The following RAI1 variants were observed in gnomAD, a reference collection of about 807,000 sequenced individuals.
The protein encoded by RAI1 is retinoic acid-induced protein 1.
RAI1 carries 9 observed loss-of-function variants against 123.8 expected under a neutral mutation model. The observed-to-expected ratio is 0.07, with a 90% CI of 0.04 to 0.13. The LOEUF is 0.13. Ranked by LOEUF, RAI1 falls within the 10% of genes least tolerant of loss-of-function variation. The pLI, the probability that RAI1 is intolerant of heterozygous loss-of-function variation, is 1.00. For synonymous variants in RAI1, 1,231 were observed against 1,127.3 expected, an observed-to-expected ratio of 1.09 and a Z score of -1.84; for missense variants, 2,256 against 2,545.8, an observed-to-expected ratio of 0.89 and a Z score of 2.45.
rs149129492 is a variant in RAI1, at chr17:17,706,449, C to T, written c.-148-17579C>T. Among the ~76,000 whole-genome samples, 738 of 152,332 alleles carry T rather than the reference C, an allele frequency of 4.8e-3. 8 individuals carry two copies. The highest frequency in any genetic ancestry group is 0.017 in the African/African-American group (686 of 41,570). On this transcript the variant is annotated intron_variant, in intron 1 of 5. Transcript: ENST00000353383. ...GAAGGGAGGAAGACCAGGTAGGCAG[C>T]TGGGCCAAGGATCCAGGTGGACAAG...
At chr17:17,698,967 C>T (rs900109006) in intron 1 of RAI1, among the ~76,000 whole-genome samples, 13 of 152,224 alleles carry the variant, frequency 8.5e-5, no homozygotes, top group African/African-American at 3.1e-4. Context: ...GGAATGCCGG[C>T]TGATCACAAG....
In RAI1 at chr17:17,793,397, C is replaced by G. The variant is rs2032096918; in HGVS notation, c.449C>G (p.Ala150Gly). The G allele has an allele frequency of 6.8e-6, 11 of 1,613,676 alleles. No individual in the cohort carries two copies. Among genetic ancestry groups the G allele is most frequent in the Non-Finnish European group, 9.3e-6 (11 of 1,179,984 alleles). Residue 150 changes from alanine (A) to glycine (G), a missense_variant, in exon 3 of 6, where the codon GCA becomes GGA. Physicochemically the swap from Ala to Gly is moderately conservative, Grantham distance 60. Coordinates refer to ENST00000353383, the MANE Select transcript of RAI1 (RefSeq NM_030665.4). Reference protein sequence around the residue: ...KYDENLMKKTAVPPSRQYAEQ... With the variant: ...KYDENLMKKTGVPPSRQYAEQ... ...GATGAGAACTTGATGAAAAAGACAG[C>G]AGTGCCCCCCAGCAGGCAGTATGCA... is the stretch of plus-strand genomic sequence containing the variant.
intron 1 of RAI1, among the ~76,000 whole-genome samples, chr17:17,694,895 T>C (rs1914967942): frequency 1.3e-5 from 2 of 151,968 alleles, no homozygotes; most frequent in South Asian, 4.1e-4. Context: ...ACGCGGGGGC[T>C]TCCAGTCCCA....
intron 1 of RAI1, among the ~76,000 whole-genome samples, chr17:17,696,853 C>G (rs561979821): frequency 6.6e-6 from 1 of 152,246 alleles, no homozygotes; most frequent in East Asian, 1.9e-4. Context: ...CATCCTCATT[C>G]GGGGCCTCCT....
chr17:17,757,749 A>G (rs572956341), intron 2 of RAI1, among the ~76,000 whole-genome samples: 47 of 152,316 alleles, frequency 3.1e-4, no homozygotes, highest in South Asian at 6.2e-4. Flanking sequence ...CCACTTCCGG[A>G]GACTACTTGA....
chr17:17,729,519 G>A (rs954413937), intron 2 of RAI1, among the ~76,000 whole-genome samples: 1 of 152,220 alleles, frequency 6.6e-6, no homozygotes, highest in African/African-American at 2.4e-5. Context: ...CCAGAAGCAA[G>A]TGAGATCGCT....
intron 1 of RAI1, among the ~76,000 whole-genome samples, chr17:17,688,025 CAAAA>C (rs61049701): frequency 6.7e-5 from 6 of 90,064 alleles, no homozygotes; most frequent in Non-Finnish European, 6.3e-5. Flanking sequence ...GACTCTGTCT[CAAAA>C]AAAAAAAAAA....
At chr17:17,704,661 G>A (rs1373089670) in intron 1 of RAI1, among the ~76,000 whole-genome samples, 2 of 152,128 alleles carry the variant, frequency 1.3e-5, no homozygotes, top group Non-Finnish European at 2.9e-5. Flanking sequence ...ACATCAGGAC[G>A]TTACCATGAG....
chr17:17,788,122 C>A (rs2031890120), intron 2 of RAI1, among the ~76,000 whole-genome samples: 1 of 152,142 alleles, frequency 6.6e-6, no homozygotes, highest in Non-Finnish European at 1.5e-5. Context: ...CCGTGGGATT[C>A]TTCCTTGAGC....
At position 17,796,241 on chromosome 17, in the gene RAI1, T is replaced by G. The variant is rs1598091559; in HGVS notation, c.3293T>G (p.Val1098Gly). Residue 1098 changes from valine to glycine, a missense_variant, in exon 3 of 6, where the codon GTG becomes GGG. Physicochemically the swap from Val to Gly is moderately radical, Grantham distance 109 (BLOSUM62 -3). Coordinates refer to ENST00000353383, the MANE Select transcript of RAI1 (RefSeq NM_030665.4). The surrounding 1 kb of genome is among the most constrained non-coding windows in gnomAD (Gnocchi z 5.8). ...QRAAFKSGKR[V>G]GKPSPKAASS... ...GCCGCCTTCAAGTCGGGCAAGCGGG[T>G]GGGGAAGCCCTCACCCAAGGCTGCC... 1.3e-6 allele frequency: 2 copies of G among 1,572,698 alleles called. No homozygotes were observed. Among genetic ancestry groups the G allele is most frequent in the Non-Finnish European group, 1.7e-6 (2 of 1,158,100 alleles).
chr17:17,744,789 CAAAAAAAA>C (rs58984430), intron 2 of RAI1, among the ~76,000 whole-genome samples: 15 of 46,808 alleles, frequency 3.2e-4, no homozygotes, highest in South Asian at 9.2e-4. Context: ...GACTCCGTCT[CAAAAAAAA>C]AAAAAAAAAA....
intron 2 of RAI1, among the ~76,000 whole-genome samples, chr17:17,785,274 C>T (rs1187681498): frequency 6.6e-6 from 1 of 152,212 alleles, no homozygotes; most frequent in Non-Finnish European, 1.5e-5. Context: ...GGCCCCTCAT[C>T]CTCAAACCTG....
At chr17:17,699,748 G>A (rs1915155192) in intron 1 of RAI1, among the ~76,000 whole-genome samples, 1 of 152,154 alleles carries the variant, frequency 6.6e-6, no homozygotes, top group Non-Finnish European at 1.5e-5. Context: ...ACAGTTGGTG[G>A]AGATGGCTAC....
chr17:17,757,555 A>G (rs927702666), intron 2 of RAI1, among the ~76,000 whole-genome samples: 2 of 151,766 alleles, frequency 1.3e-5, no homozygotes, highest in African/African-American at 4.8e-5. Context: ...GCAGGACCCC[A>G]GTTAAACAGC....
chr17:17,681,841 G>C (rs1598006789), intron 1 of RAI1, 48 bp downstream of exon 1: 5 of 262,564 alleles, frequency 1.9e-5, no homozygotes, highest in African/African-American at 6.9e-5. Context: ...ATCCTGCCCC[G>C]GGGCGGGGGC....
intron 2 of RAI1, among the ~76,000 whole-genome samples, chr17:17,759,784 C>T (rs2030609265): frequency 6.6e-6 from 1 of 152,170 alleles, no homozygotes; most frequent in Non-Finnish European, 1.5e-5. Context: ...GAGACAGGCC[C>T]CCAGTGGATG....
In RAI1 at chr17:17,681,655, GC is replaced by G; in HGVS notation, c.-286del. ...GCCCTAGCGCCGGCGCGAGGAGGGGGCGCCGCGGCCCACCCTCCTTCCTGCC... is the reference window on the plus strand; with the variant it reads ...GCCCTAGCGCCGGCGCGAGGAGGGGGGCCGCGGCCCACCCTCCTTCCTGCC... On this transcript the variant is annotated 5_prime_UTR_variant, in exon 1 of 6. Coordinates refer to ENST00000353383, the MANE Select transcript of RAI1 (RefSeq NM_030665.4). The G allele has an allele frequency of 4.1e-6, 1 of 244,446 alleles. No individual in the cohort carries two copies. The highest frequency in any genetic ancestry group is 7.8e-6 in the Non-Finnish European group (1 of 128,512). The allele number at this position is 244,446 out of a possible 1,614,324, so 15.1% of individuals were successfully genotyped here.
chr17:17,777,320 C>A (rs1436243865), intron 2 of RAI1: 1 of 152,224 alleles, frequency 6.6e-6, no homozygotes, highest in Non-Finnish European at 1.5e-5. Context: ...ATGCTCTGTG[C>A]CAAGAAAACC....
intron 2 of RAI1, chr17:17,782,283 G>A (rs1405918054): frequency 1.3e-5 from 2 of 152,128 alleles, no homozygotes; most frequent in Non-Finnish European, 2.9e-5. Context: ...GGCAGATATA[G>A]AAAGGGGGGC....
Sources: allele counts gnomAD v4.1 joint callset (sites outside exome capture counted in the v4.1 genomes callset), GRCh38; gene constraint gnomAD v4.1.1; non-coding constraint Gnocchi (gnomAD v3.1); transcripts MANE v1.5; gene names NCBI Gene and HGNC (gene_info 2026-07-23, HGNC 2026-07-21).